Variants in KTN1 observed in about 807,000 individuals in gnomAD.
KTN1 encodes kinectin.
In KTN1, 130 loss-of-function variants were observed where a neutral mutation model predicts 222.5. The ratio of observed to expected loss-of-function variants is 0.58; its 90% confidence interval spans 0.51 to 0.68. The LOEUF is 0.68. KTN1 is among the 30% of genes least tolerant of loss of function. KTN1 has a pLI of 0.00. For missense variants in KTN1, 1,508 were observed against 1,500.4 expected (o/e 1.01, Z -0.08); for synonymous variants, 512 against 496.3 (o/e 1.03, Z -0.42).
intron 31 of KTN1, 153 bp from the exon 32 acceptor site, chr14:55,661,369 T>C (rs1184703824): frequency 1.2e-5 from 6 of 490,290 alleles, no homozygotes; most frequent in Non-Finnish European, 3.6e-6. Context: ...ATGGGCTTTG[T>C]ATGGTCAACA....
intron 34 of KTN1, chr14:55,668,875 A>G (rs2045158137): frequency 1.3e-5 from 2 of 152,050 alleles, no homozygotes. Flanking sequence ...TCAAGTAAGG[A>G]GAGAAAACTC....
chr14:55,629,826 A>T (rs1248457509), intron 6 of KTN1, 131 bp from the exon 7 acceptor site: 7 of 685,066 alleles, frequency 1.0e-5, no homozygotes, highest in Non-Finnish European at 1.5e-5. Flanking sequence ...TGCTTTTTTT[A>T]AGCAAGTACT....
At chr14:55,665,846 T>C (rs1473633799) in intron 33 of KTN1, among the ~76,000 whole-genome samples, 2 of 152,004 alleles carry the variant, frequency 1.3e-5, no homozygotes, top group African/African-American at 4.8e-5. Context: ...CTAAAATTGT[T>C]AATACCAAAT....
At position 55,593,560 on chromosome 14, in the gene KTN1, T is replaced by C. The variant is rs146455710; in HGVS notation, c.-31+13206T>C. ...TTTTTTTTCCCTTCCCAACTAAAAG[T>C]TCTAAGAATTGTAAGAAACTGAAAA... On this transcript the variant is annotated intron_variant, in intron 1 of 43. Coordinates refer to ENST00000395314, the MANE Select transcript of KTN1 (RefSeq NM_001079521.2). Among the ~76,000 whole-genome samples, 6 of 151,332 alleles carry C rather than the reference T, an allele frequency of 4.0e-5. No individual in the cohort carries two copies. In the East Asian group the frequency reaches 1.2e-3, roughly 29 times the overall value.
chr14:55,644,360 T>C, intron 18 of KTN1: 1 of 701,818 alleles, frequency 1.4e-6, no homozygotes, highest in Middle Eastern at 2.3e-4. Flanking sequence ...GAGGAAAAGA[T>C]TGAGCGTATA....
At chr14:55,661,922 A>G (rs1260597308) in intron 32 of KTN1, 1 of 185,066 alleles carries the variant, frequency 5.4e-6, no homozygotes, top group Non-Finnish European at 1.1e-5. Context: ...TTGGAAAAAC[A>G]TGTTTTTCAG....
At chr14:55,633,942 C>T (rs1245317602) in intron 8 of KTN1, among the ~76,000 whole-genome samples, 1 of 152,072 alleles carries the variant, frequency 6.6e-6, no homozygotes, top group African/African-American at 2.4e-5. Context: ...AGTTCGAGAC[C>T]AGCCTGGCCA....
intron 18 of KTN1, among the ~76,000 whole-genome samples, chr14:55,644,865 A>G (rs913216809): frequency 1.3e-5 from 2 of 152,152 alleles, no homozygotes; most frequent in Admixed American, 6.5e-5. Flanking sequence ...GGTTTATGCA[A>G]TAGAGTATTT....
intron 18 of KTN1, among the ~76,000 whole-genome samples, 183 bp from the exon 19 acceptor site, chr14:55,646,790 A>C (rs1298839061): frequency 6.6e-6 from 1 of 151,774 alleles, no homozygotes; most frequent in Admixed American, 6.6e-5. Context: ...TCTTGTGTAG[A>C]TGTATCTCTT....
At position 55,656,102 on chromosome 14, in the gene KTN1, T is replaced by G. The variant is rs2043439723; in HGVS notation, c.2862T>G (p.Ser954Arg). 1.2e-6 allele frequency: 2 copies of G among 1,608,500 alleles called. No homozygotes were observed. The highest frequency in any genetic ancestry group is 2.7e-5 in the African/African-American group (2 of 74,662). The change falls in exon 29 of 44, where the codon AGT (serine) becomes AGG (arginine). Residue 954 changes from serine (S) to arginine (R), a missense_variant. Physicochemically the swap from Ser to Arg is moderately radical, Grantham distance 110. Coordinates refer to ENST00000395314, the MANE Select transcript of KTN1 (RefSeq NM_001079521.2). Reference sequence around the variant, plus strand: ...AAGCCATGCTAAAAGAGAGGGAGAGTGATCTTTCTAGCAAAACACAGCTGT... The same window carrying G: ...AAGCCATGCTAAAAGAGAGGGAGAGGGATCTTTCTAGCAAAACACAGCTGT... The part of the protein sequence containing the change: ...RLEAMLKERE[S>R]DLSSKTQLLQ...
In KTN1 at chr14:55,667,259, G is replaced by A. The variant is rs2044889783; in HGVS notation, c.3196G>A (p.Glu1066Lys). 6.2e-7 allele frequency: 1 copy of A among 1,602,492 alleles called. No individual in the cohort carries two copies. The highest frequency in any genetic ancestry group is 8.5e-7 in the Non-Finnish European group (1 of 1,173,704). Residue 1066 changes from glutamate (E) to lysine (K), a missense_variant, in exon 34 of 44, where the codon GAA (glutamate) becomes AAA (lysine). Transcript: ENST00000395314. Reference sequence around the variant, plus strand: ...GCTTTAGGAAAGGCAGCAACAGGTGGAAGCTGTTGAGTTGGAGGCTAAAGA... The same window carrying A: ...GCTTTAGGAAAGGCAGCAACAGGTGAAAGCTGTTGAGTTGGAGGCTAAAGA... Reference protein sequence around the residue: ...KTSKERQQQVEAVELEAKEVL... With the variant: ...KTSKERQQQVKAVELEAKEVL...
Position 55,619,307 on chromosome 14 carries a change from A to C in KTN1, c.958A>C (p.Lys320Gln), listed in dbSNP as rs201475986. Reference sequence around the variant, plus strand: ...GTCTGGTGTAATACAAGATGCTTTAAAGAAGGTAAGCGTGTTTTTTGATTA... The same window carrying C: ...GTCTGGTGTAATACAAGATGCTTTACAGAAGGTAAGCGTGTTTTTTGATTA... ...EKSGVIQDAL[K>Q]KSSKGELTTL... is the part of the protein sequence containing the mutation. Residue 320 changes from lysine (K) to glutamine (Q), a missense_variant, in exon 5 of 44, where the codon AAG becomes CAG. Coordinates refer to ENST00000395314, the MANE Select transcript of KTN1 (RefSeq NM_001079521.2). 5.3e-5 allele frequency: 85 copies of C among 1,613,338 alleles called. No homozygotes were observed. The African/African-American group carries it at 1.1e-3, about 21-fold the overall frequency.
Position 55,616,576 on chromosome 14 carries a change from C to T in KTN1, c.583C>T (p.Pro195Ser). The part of the protein sequence containing the change: ...MVPSKRQEAL[P>S]LHQETKQESG... ...ACCATCAAAAAGGCAAGAAGCATTGCCCCTCCACCAAGAGACTAAACAAGA... is the reference window on the plus strand; with the variant it reads ...ACCATCAAAAAGGCAAGAAGCATTGTCCCTCCACCAAGAGACTAAACAAGA... Residue 195 changes from proline to serine, a missense_variant, in exon 3 of 44, where the codon CCC becomes TCC. Transcript: ENST00000395314. 6.2e-7 allele frequency: 1 copy of T among 1,607,268 alleles called. No homozygotes were observed. Among genetic ancestry groups the T allele is most frequent in the Non-Finnish European group, 8.5e-7 (1 of 1,177,634 alleles).
intron 1 of KTN1, among the ~76,000 whole-genome samples, chr14:55,582,061 A>T (rs2031794526): frequency 6.6e-6 from 1 of 152,190 alleles, no homozygotes; most frequent in African/African-American, 2.4e-5. Flanking sequence ...CTTAGAGAAT[A>T]AGGTGTTCTA....
intron 34 of KTN1, among the ~76,000 whole-genome samples, chr14:55,670,370 G>GT (rs982505525): frequency 6.6e-6 from 1 of 152,046 alleles, no homozygotes; most frequent in Middle Eastern, 3.4e-3. Flanking sequence ...ATTAGTCTGG[G>GT]TTTTTTGTGT....
At position 55,671,836 on chromosome 14, in the gene KTN1, T is replaced by C. The variant is rs1222068942; in HGVS notation, c.3490T>C (p.Trp1164Arg). ...QRSVEQEENK[W>R]KVKVDESHKT... The stretch of plus-strand genomic sequence containing the variant: ...AAGTGTTGAGCAAGAAGAAAATAAA[T>C]GGAAAGTTAAGGTCGATGAATCACA... The change falls in exon 37 of 44, where the codon TGG (tryptophan) becomes CGG (arginine). Residue 1164 changes from tryptophan to arginine, a missense_variant. Coordinates refer to ENST00000395314, the MANE Select transcript of KTN1 (RefSeq NM_001079521.2). 1 of 1,610,382 alleles carries C rather than the reference T, an allele frequency of 6.2e-7. No homozygotes were observed. The highest frequency in any genetic ancestry group is 2.2e-5 in the East Asian group (1 of 44,824).
chr14:55,679,869 C>T, intron 43 of KTN1, 184 bp downstream of exon 43: 1 of 612,242 alleles, frequency 1.6e-6, no homozygotes. Context: ...TCTTGAAGGT[C>T]TTGTAGCTTG....
intron 1 of KTN1, among the ~76,000 whole-genome samples, chr14:55,582,815 G>A (rs1362514526): frequency 6.6e-6 from 1 of 152,056 alleles, no homozygotes; most frequent in Non-Finnish European, 1.5e-5. Flanking sequence ...TTGCAAGATC[G>A]TTCATATATT....
At chr14:55,625,690 G>T (rs953926582) in intron 5 of KTN1, among the ~76,000 whole-genome samples, 1 of 151,950 alleles carries the variant, frequency 6.6e-6, no homozygotes, top group African/African-American at 2.4e-5. Context: ...TCGAAATTTT[G>T]GCAAGTTAAC....
Sources: gnomAD v4.1 joint callset for allele counts (sites outside exome capture counted in the v4.1 genomes callset) on GRCh38, gnomAD v4.1.1 for gene constraint, MANE v1.5 for transcripts, NCBI Gene and HGNC (gene_info 2026-07-23, HGNC 2026-07-21) for gene names.